ANKRD55: variants seen among roughly 807,000 people sequenced by gnomAD.
ANKRD55 encodes the protein ankyrin repeat domain 55, also known as ankyrin repeat domain-containing protein 55.
Under a neutral mutation model 60.6 loss-of-function variants are expected in ANKRD55, and 41 were observed. That is an observed-to-expected ratio of 0.68 (90% CI 0.53 to 0.88). ANKRD55 has a LOEUF of 0.88. Ranked by LOEUF, ANKRD55 falls within the 40% of genes least tolerant of loss-of-function variation. ANKRD55 has a pLI of 0.00. For synonymous variants in ANKRD55, 264 were observed against 290.3 expected, an observed-to-expected ratio of 0.91 and a Z score of 0.92; for missense variants, 732 against 767.6, an observed-to-expected ratio of 0.95 and a Z score of 0.55.
Position 56,116,699 on chromosome 5 carries a change from C to T in ANKRD55, c.881G>A (p.Arg294Gln), listed in dbSNP as rs149776532. 19 of 1,613,918 alleles carry T rather than the reference C, an allele frequency of 1.2e-5. No homozygotes were observed. In the African/African-American group the frequency reaches 1.6e-4, roughly 14 times the overall value. The change falls in exon 9 of 12, where the codon CGG (arginine) becomes CAG (glutamine). Residue 294 changes from arginine to glutamine, a missense_variant. By Grantham distance (43) the Arg-to-Gln change is conservative. Transcript: ENST00000341048. ...CAAGGGCGTGCTCTCATTGATGTCC[C>T]GCAGGTTGCTGTCCATTCCCAACTC... ...LLELGMDSNL[R>Q]DINESTPLAY...
At chr5:56,186,846 G>C (rs1214901697) in intron 2 of ANKRD55, among the ~76,000 whole-genome samples, 1 of 152,192 alleles carries the variant, frequency 6.6e-6, no homozygotes, top group Non-Finnish European at 1.5e-5. Flanking sequence ...GATGGAGCTG[G>C]TATCTGGTTG....
chr5:56,179,809 A>G (rs142090386), intron 3 of ANKRD55, among the ~76,000 whole-genome samples: 8 of 152,300 alleles, frequency 5.3e-5, no homozygotes, highest in African/African-American at 1.9e-4. Context: ...GTGCAAAGTA[A>G]TTACAGTAAG....
At position 56,143,911 on chromosome 5, in the gene ANKRD55, A is replaced by C; in HGVS notation, c.502T>G (p.Trp168Gly). ...TGAGGCTGGTTGTGGAAAGCCGCCC[A>C]GTGGAGTGGTGTCATTCCCTGCAAA... ...QDNEGMTPLH[W>G]AAFHNQPQHT... is the part of the protein sequence containing the mutation. Residue 168 changes from tryptophan (W) to glycine (G), a missense_variant, in exon 7 of 12, where the codon TGG becomes GGG. By Grantham distance (184) the Trp-to-Gly change is radical (BLOSUM62 -2). Coordinates refer to ENST00000341048, the MANE Select transcript of ANKRD55 (RefSeq NM_024669.3). The C allele has an allele frequency of 6.2e-7, 1 of 1,614,074 alleles. No homozygotes were observed. Among genetic ancestry groups the C allele is most frequent in the Non-Finnish European group, 8.5e-7 (1 of 1,180,034 alleles).
At chr5:56,219,101 T>C (rs4639173) in intron 2 of ANKRD55, among the ~76,000 whole-genome samples, 15,098 of 151,668 alleles carry the variant, frequency 0.1, 1,344 homozygotes, top group African/African-American at 0.24. Context: ...GGCAAAAACC[T>C]GTCTCCACTA....
chr5:56,147,153 A>G (rs770515765), intron 6 of ANKRD55, among the ~76,000 whole-genome samples: 7 of 152,162 alleles, frequency 4.6e-5, no homozygotes, highest in Non-Finnish European at 1.0e-4. Flanking sequence ...GAATCTTTAC[A>G]TGATCCTAAG....
At chr5:56,153,301 A>C (rs1561272328) in intron 6 of ANKRD55, among the ~76,000 whole-genome samples, 1 of 152,172 alleles carries the variant, frequency 6.6e-6, no homozygotes, top group Non-Finnish European at 1.5e-5. Context: ...ACACGCAGCT[A>C]TTTTGGGGGA....
intron 2 of ANKRD55, among the ~76,000 whole-genome samples, chr5:56,183,867 T>G (rs1201551829): frequency 2.0e-5 from 3 of 152,178 alleles, no homozygotes; most frequent in South Asian, 4.1e-4. Context: ...GGATTGGATG[T>G]CATTTGAGAT....
intron 2 of ANKRD55, among the ~76,000 whole-genome samples, chr5:56,190,011 A>C (rs1042302137): frequency 1.3e-5 from 2 of 152,218 alleles, no homozygotes; most frequent in Non-Finnish European, 2.9e-5. Flanking sequence ...TTTAAAAAAA[A>C]TAATAGCCAT....
At chr5:56,230,889 A>G (rs1455443278) in intron 2 of ANKRD55, among the ~76,000 whole-genome samples, 7 of 152,218 alleles carry the variant, frequency 4.6e-5, no homozygotes, top group Non-Finnish European at 1.0e-4. Flanking sequence ...CCAAGGTGAT[A>G]ATAACAACAG....
rs540636789 is a variant in ANKRD55 at position 56,141,866 on chromosome 5, T to C, written c.612+1935A>G. Among the ~76,000 whole-genome samples the C allele has an allele frequency of 3.3e-5, 5 of 152,340 alleles. No individual in the cohort carries two copies. The East Asian group carries it at 5.8e-4, about 18-fold the overall frequency. On this transcript the variant is annotated intron_variant, in intron 7 of 11. Transcript: ENST00000341048. ...ACGTTACATATCACTATCATATGCA[T>C]GGTCTCATTCTGACCATGCATACCC... is the stretch of plus-strand genomic sequence containing the variant.
intron 2 of ANKRD55, among the ~76,000 whole-genome samples, chr5:56,202,812 G>T (rs1759411200): frequency 6.6e-6 from 1 of 152,100 alleles, no homozygotes; most frequent in South Asian, 2.1e-4. Flanking sequence ...CTCTTGCGGG[G>T]GTAGGTTTTC....
At chr5:56,116,279 C>T (rs929287416) in intron 9 of ANKRD55, among the ~76,000 whole-genome samples, 1 of 151,984 alleles carries the variant, frequency 6.6e-6, no homozygotes, top group Non-Finnish European at 1.5e-5. Context: ...GTTTGAGACT[C>T]ATCAAATTAG....
chr5:56,127,493 A>G, intron 7 of ANKRD55: 1 of 985,304 alleles, frequency 1.0e-6, no homozygotes, highest in Non-Finnish European at 1.2e-6. Context: ...GTAGAGGCTG[A>G]CCACCAAGAA....
intron 2 of ANKRD55, among the ~76,000 whole-genome samples, chr5:56,204,968 T>TGGAGC (rs1759464481): frequency 6.6e-6 from 1 of 152,252 alleles, no homozygotes; most frequent in African/African-American, 2.4e-5. Context: ...TTGTTTAGTC[T>TGGAGC]GGAGCAGAGC....
chr5:56,187,331 A>T (rs925123293), intron 2 of ANKRD55, among the ~76,000 whole-genome samples: 1 of 152,164 alleles, frequency 6.6e-6, no homozygotes, highest in African/African-American at 2.4e-5. Flanking sequence ...CAAAAACAGG[A>T]GGTAAAGAAA....
At chr5:56,189,802 T>C (rs1266300009) in intron 2 of ANKRD55, among the ~76,000 whole-genome samples, 1 of 152,196 alleles carries the variant, frequency 6.6e-6, no homozygotes, top group East Asian at 1.9e-4. Flanking sequence ...ACAAATCTTT[T>C]TGCATTCCTG....
intron 5 of ANKRD55, among the ~76,000 whole-genome samples, chr5:56,161,538 G>C (rs1374522044): frequency 6.6e-6 from 1 of 152,226 alleles, no homozygotes; most frequent in Admixed American, 6.5e-5. Context: ...AGCAGTAAAT[G>C]TAATACACAG....
intron 2 of ANKRD55, among the ~76,000 whole-genome samples, chr5:56,193,903 CTAGAA>C (rs1330111324): frequency 6.6e-6 from 1 of 152,068 alleles, no homozygotes; most frequent in Non-Finnish European, 1.5e-5. Flanking sequence ...AGTAGAGGAA[CTAGAA>C]AAGAGATTTT....
At chr5:56,120,688 A>G (rs1459524897) in intron 8 of ANKRD55, among the ~76,000 whole-genome samples, 1 of 152,104 alleles carries the variant, frequency 6.6e-6, no homozygotes. Flanking sequence ...TCACGAGGTC[A>G]GGAGATCGAG....
Sources: gnomAD v4.1 joint callset for allele counts (sites outside exome capture counted in the v4.1 genomes callset) on GRCh38, gnomAD v4.1.1 for gene constraint, MANE v1.5 for transcripts, NCBI Gene and HGNC (gene_info 2026-07-23, HGNC 2026-07-21) for gene names.